KCNIP4: variants seen among roughly 807,000 people sequenced by gnomAD.
The protein encoded by KCNIP4 is Kv channel-interacting protein 4.
KCNIP4 carries 12 observed loss-of-function variants against 34.0 expected under a neutral mutation model. The ratio of observed to expected loss-of-function variants is 0.35; its 90% CI spans 0.23 to 0.57. The LOEUF (loss-of-function observed/expected upper bound fraction) is 0.57. Among genes scored for constraint, KCNIP4 ranks in the 20% least tolerant of loss-of-function variants. The pLI is 0.83. For synonymous variants in KCNIP4, 124 were observed against 102.2 expected (o/e 1.21, Z -1.29); for missense variants, 238 against 311.7 (o/e 0.76, Z 1.78).
rs1214216410 is a variant in KCNIP4 at position 21,370,922 on chromosome 4, A to G, written c.62-488213T>C. Among the ~76,000 whole-genome samples the G allele has an allele frequency of 6.3e-5, 8 of 127,412 alleles. 2 individuals carry two copies. The highest frequency in any genetic ancestry group is 2.9e-4 in the African/African-American group (8 of 27,272). 83.6% of individuals were successfully genotyped at this position (127,412 alleles called of 152,430 possible). On this transcript the variant is annotated intron_variant, in intron 1 of 8. Coordinates refer to ENST00000382152, the MANE Select transcript of KCNIP4 (RefSeq NM_025221.6). The stretch of plus-strand genomic sequence containing the variant: ...GTGTGTATTAGCAGAACATAGAAAA[A>G]GAAACTAGCAATGCAAGAGAGGAAA...
At chr4:21,223,422 A>G (rs1758124082) in intron 1 of KCNIP4, among the ~76,000 whole-genome samples, 1 of 152,176 alleles carries the variant, frequency 6.6e-6, no homozygotes, top group African/African-American at 2.4e-5. Flanking sequence ...TGTGTTGTTT[A>G]AGGCACTATG....
At chr4:20,756,264 G>A (rs910781904) in intron 4 of KCNIP4, among the ~76,000 whole-genome samples, 1 of 152,002 alleles carries the variant, frequency 6.6e-6, no homozygotes, top group African/African-American at 2.4e-5. Context: ...TTGAGTAGAT[G>A]TCAAAGTTGA....
At chr4:21,750,036 G>A (rs991613354) in intron 1 of KCNIP4, among the ~76,000 whole-genome samples, 4 of 152,060 alleles carry the variant, frequency 2.6e-5, no homozygotes, top group Admixed American at 2.6e-4. Flanking sequence ...CCATTTGTAA[G>A]TTTTATATCA....
At chr4:21,248,599 C>A (rs1336276817) in intron 1 of KCNIP4, among the ~76,000 whole-genome samples, 1 of 152,034 alleles carries the variant, frequency 6.6e-6, no homozygotes, top group East Asian at 1.9e-4. Context: ...CCTTTTATAG[C>A]AGTGCCTGAG....
At chr4:21,656,445 A>T (rs1361442765) in intron 1 of KCNIP4, 1 of 152,228 alleles carries the variant, frequency 6.6e-6, no homozygotes, top group East Asian at 1.9e-4. Flanking sequence ...GCATAATTCA[A>T]CTGCTAACAG....
At chr4:21,025,639 T>C (rs188335022) in intron 1 of KCNIP4, among the ~76,000 whole-genome samples, 1,700 of 136,048 alleles carry the variant, frequency 0.012, 23 homozygotes, top group Middle Eastern at 0.067. Context: ...CTGCCAGCTC[T>C]GCCTCCCGGG....
chr4:20,799,992 G>A (rs1331376712), intron 3 of KCNIP4, among the ~76,000 whole-genome samples: 2 of 152,186 alleles, frequency 1.3e-5, no homozygotes, highest in East Asian at 3.9e-4. Context: ...TTGTGCCTGG[G>A]AATGTGAACC....
intron 1 of KCNIP4, among the ~76,000 whole-genome samples, chr4:21,400,554 TCTTCTCTTCTCTTCTCTTCTCTTC>T (rs879518973): frequency 0.036 from 3,606 of 101,150 alleles, 86 homozygotes; most frequent in Non-Finnish European, 0.053. Context: ...TCTTCTCTTC[TCTTCTCTTCTCTTCTCTTCTCTTC>T]GTTCTTTCTT....
rs1577438435 is a variant in KCNIP4, at chr4:20,960,054, A to G, written c.62-77345T>C. On this transcript the variant is annotated intron_variant, in intron 1 of 8. Coordinates refer to ENST00000382152, the MANE Select transcript of KCNIP4 (RefSeq NM_025221.6). ...GACAGACTGTGCATAAAAAAATAAG[A>G]AAAGTTCCATAACAAATAAATACGT... 4.6e-5 allele frequency among the ~76,000 whole-genome samples: 7 copies of G among 152,334 alleles called. No individual in the cohort carries two copies. In the South Asian group the frequency reaches 1.5e-3, roughly 32 times the overall value.
chr4:21,170,140 A>G (rs547543114), intron 1 of KCNIP4, among the ~76,000 whole-genome samples: 1 of 152,116 alleles, frequency 6.6e-6, no homozygotes, highest in African/African-American at 2.4e-5. Context: ...ATTTTTGGAA[A>G]TTGTTCTGAT....
At chr4:20,758,757 A>C in intron 4 of KCNIP4, 64 bp downstream of exon 4, 1 of 1,255,130 alleles carries the variant, frequency 8.0e-7, no homozygotes, top group Non-Finnish European at 1.2e-6. Flanking sequence ...GAAAAATTAA[A>C]CTCAACACTG....
intron 1 of KCNIP4, among the ~76,000 whole-genome samples, chr4:20,948,973 T>A (rs1732482874): frequency 6.6e-6 from 1 of 152,176 alleles, no homozygotes; most frequent in South Asian, 2.1e-4. Flanking sequence ...TTTAATGGAA[T>A]CCCTGCCACC....
intron 1 of KCNIP4, among the ~76,000 whole-genome samples, chr4:21,888,382 C>T (rs1726906268): frequency 6.6e-6 from 1 of 152,186 alleles, no homozygotes; most frequent in East Asian, 1.9e-4. Flanking sequence ...CAAAGTAGAA[C>T]TGGTGACTAA....
At chr4:21,840,194 T>G (rs1723592120) in intron 1 of KCNIP4, among the ~76,000 whole-genome samples, 1 of 151,370 alleles carries the variant, frequency 6.6e-6, no homozygotes. Context: ...CAACTTGAAA[T>G]AAGATACTAG....
chr4:21,551,855 T>C (rs1432794499), intron 1 of KCNIP4, among the ~76,000 whole-genome samples: 1 of 152,020 alleles, frequency 6.6e-6, no homozygotes, highest in Non-Finnish European at 1.5e-5. Flanking sequence ...AAAGAAATAT[T>C]GTATTATTGC....
chr4:21,568,468 G>A (rs186695544), intron 1 of KCNIP4, among the ~76,000 whole-genome samples: 1 of 152,260 alleles, frequency 6.6e-6, no homozygotes, highest in East Asian at 1.9e-4. Context: ...GTTGCCAGAG[G>A]AGATTCACAT....
chr4:21,126,308 A>G (rs1411051878), intron 1 of KCNIP4, among the ~76,000 whole-genome samples: 2 of 152,220 alleles, frequency 1.3e-5, no homozygotes, highest in African/African-American at 4.8e-5. Context: ...TAGGGCCAAG[A>G]GATGAGAAGA....
chr4:20,737,342 A>C (rs1749859359), intron 5 of KCNIP4, among the ~76,000 whole-genome samples: 1 of 152,192 alleles, frequency 6.6e-6, no homozygotes, highest in Non-Finnish European at 1.5e-5. Flanking sequence ...CATGGAGGTC[A>C]CCAGCAAGTG....
At chr4:21,265,187 GA>G (rs1224545240) in intron 1 of KCNIP4, among the ~76,000 whole-genome samples, 1 of 151,410 alleles carries the variant, frequency 6.6e-6, no homozygotes, top group Non-Finnish European at 1.5e-5. Flanking sequence ...GAAGTGAGAG[GA>G]AAAAAAAGAG....
Sources: allele counts gnomAD v4.1 joint callset (sites outside exome capture counted in the v4.1 genomes callset), GRCh38; gene constraint gnomAD v4.1.1; transcripts MANE v1.5; gene names NCBI Gene and HGNC (gene_info 2026-07-23, HGNC 2026-07-21).